OPCML: variants seen among roughly 807,000 people sequenced by gnomAD.
The protein encoded by OPCML is opioid binding protein/cell adhesion molecule like.
Under a neutral mutation model 37.8 loss-of-function variants are expected in OPCML, and 13 were observed. The ratio of observed to expected loss-of-function variants is 0.34; its 90% CI spans 0.22 to 0.55. OPCML has a LOEUF of 0.55. Among genes scored for constraint, OPCML ranks in the 20% least tolerant of loss-of-function variants. OPCML has a pLI of 0.91. For missense variants in OPCML, 341 were observed against 435.6 expected (o/e 0.78, Z 1.93); for synonymous variants, 176 against 168.8 (o/e 1.04, Z -0.33).
intron 1 of OPCML, among the ~76,000 whole-genome samples, chr11:132,963,327 C>T (rs1946133457): frequency 6.6e-6 from 1 of 152,000 alleles, no homozygotes; most frequent in Admixed American, 6.5e-5. Context: ...CACGGTGGCT[C>T]ACGCCTGTAA....
rs866477169 is a variant in OPCML at position 132,938,023 on chromosome 11, C to G, written c.146+4903G>C. On this transcript the variant is annotated intron_variant, in intron 2 of 7. Coordinates refer to ENST00000524381, the MANE Select transcript of OPCML (RefSeq NM_001012393.5). ...TGGAATCCAAAAGTCCCTCAGGCCT[C>G]CAAGACCGCTAACCAACTGCTGTGC... 3.3e-5 allele frequency among the ~76,000 whole-genome samples: 5 copies of G among 151,986 alleles called. No homozygotes were observed. In the South Asian group the frequency reaches 1.0e-3, roughly 32 times the overall value.
intron 1 of OPCML, among the ~76,000 whole-genome samples, chr11:133,195,322 C>T (rs950232161): frequency 5.9e-5 from 9 of 152,224 alleles, no homozygotes; most frequent in South Asian, 2.1e-4. Flanking sequence ...CAGGTAGCAG[C>T]GGTTCAATAA....
intron 1 of OPCML, among the ~76,000 whole-genome samples, chr11:133,388,613 T>C (rs1945106508): frequency 6.6e-6 from 1 of 152,186 alleles, no homozygotes; most frequent in South Asian, 2.1e-4. Flanking sequence ...ACTGCAACTA[T>C]AGGAACCAGG....
chr11:132,768,934 G>A (rs988060108), intron 2 of OPCML, among the ~76,000 whole-genome samples: 11 of 152,060 alleles, frequency 7.2e-5, no homozygotes, highest in East Asian at 3.9e-4. Flanking sequence ...TGATAAAATC[G>A]TAAAGAGCAG....
chr11:132,662,278 A>G (rs1942007658), intron 2 of OPCML, among the ~76,000 whole-genome samples: 1 of 152,186 alleles, frequency 6.6e-6, no homozygotes, highest in African/African-American at 2.4e-5. Flanking sequence ...CTGGAGAACC[A>G]CTCACTGCCT....
chr11:132,560,341 T>C (rs2096407810), intron 3 of OPCML, among the ~76,000 whole-genome samples: 1 of 152,238 alleles, frequency 6.6e-6, no homozygotes, highest in Non-Finnish European at 1.5e-5. Context: ...CAGTATCTAA[T>C]TACTTATTTT....
At chr11:133,295,700 T>A (rs1942612832) in intron 1 of OPCML, among the ~76,000 whole-genome samples, 1 of 152,234 alleles carries the variant, frequency 6.6e-6, no homozygotes, top group African/African-American at 2.4e-5. Flanking sequence ...TCATTCTAGA[T>A]GTTCCTTGCT....
intron 3 of OPCML, among the ~76,000 whole-genome samples, chr11:132,623,602 A>G (rs889400592): frequency 1.3e-5 from 2 of 152,162 alleles, no homozygotes; most frequent in East Asian, 1.9e-4. Context: ...TGTTTTAACG[A>G]GAAAATCTGG....
chr11:133,444,188 G>C (rs1484400407), intron 1 of OPCML, among the ~76,000 whole-genome samples: 1 of 152,102 alleles, frequency 6.6e-6, no homozygotes, highest in East Asian at 1.9e-4. Flanking sequence ...CTTCCTGCTA[G>C]CTCTAAACAT....
Position 133,140,886 on chromosome 11 carries a change from CGACGACGAAGACGACGACGACGAAGAA to C in OPCML, c.62-197903_62-197877del, listed in dbSNP as rs1949787157. Reference sequence around the variant, plus strand: ...ACGACGACGACGAAGAAGACGACGACGACGACGAAGACGACGACGACGAAGAAGAAGAAGACGACGACGACGAAGAAG... The same window carrying C: ...ACGACGACGACGAAGAAGACGACGACGAAGAAGACGACGACGACGAAGAAG... On this transcript the variant is annotated intron_variant, in intron 1 of 7. Coordinates refer to ENST00000524381, the MANE Select transcript of OPCML (RefSeq NM_001012393.5). 2.0e-4 allele frequency among the ~76,000 whole-genome samples: 2 copies of C among 10,090 alleles called. 1 individual carries two copies. 6.6% of individuals were successfully genotyped at this position (10,090 alleles called of 152,430 possible).
chr11:132,987,851 T>A (rs1427550863), intron 1 of OPCML, among the ~76,000 whole-genome samples: 1 of 152,194 alleles, frequency 6.6e-6, no homozygotes, highest in Non-Finnish European at 1.5e-5. Flanking sequence ...AATGCTCAAA[T>A]TTTCTTCTCA....
intron 3 of OPCML, among the ~76,000 whole-genome samples, chr11:132,651,055 C>T (rs1031798936): frequency 3.3e-5 from 5 of 152,188 alleles, no homozygotes; most frequent in South Asian, 2.1e-4. Context: ...CTGCTGCAAC[C>T]GCTCCTTGGT....
intron 2 of OPCML, among the ~76,000 whole-genome samples, chr11:132,721,347 A>G (rs1944665172): frequency 6.6e-6 from 1 of 152,302 alleles, no homozygotes; most frequent in African/African-American, 2.4e-5. Context: ...GCAGACAAGG[A>G]GGACAAGAAA....
At chr11:133,494,593 C>T (rs7125841) in intron 1 of OPCML, among the ~76,000 whole-genome samples, 44,858 of 139,010 alleles carry the variant, frequency 0.32, 8,914 homozygotes, top group African/African-American at 0.55. Flanking sequence ...AAGCTGGAAA[C>T]CATCATTCTC....
intron 1 of OPCML, among the ~76,000 whole-genome samples, chr11:133,342,364 T>C (rs1303131757): frequency 6.6e-6 from 1 of 152,194 alleles, no homozygotes. Context: ...CACTCATGGT[T>C]ATGCAACGCA....
chr11:132,797,551 C>T (rs146869911), intron 2 of OPCML, among the ~76,000 whole-genome samples: 9 of 152,218 alleles, frequency 5.9e-5, no homozygotes, highest in South Asian at 2.1e-4. Flanking sequence ...TAAACATTTC[C>T]GTTTTCCAGT....
At chr11:132,517,174 A>G (rs2096281856) in intron 4 of OPCML, among the ~76,000 whole-genome samples, 1 of 152,206 alleles carries the variant, frequency 6.6e-6, no homozygotes, top group African/African-American at 2.4e-5. Context: ...TGGCATGTGA[A>G]TTTAATCAGA....
intron 3 of OPCML, among the ~76,000 whole-genome samples, chr11:132,566,848 A>C (rs1287186170): frequency 6.6e-6 from 1 of 152,190 alleles, no homozygotes; most frequent in Non-Finnish European, 1.5e-5. Context: ...TACAGGAGTG[A>C]AACTGGGATA....
chr11:133,492,417 C>G (rs928138509), intron 1 of OPCML, among the ~76,000 whole-genome samples: 3 of 151,970 alleles, frequency 2.0e-5, no homozygotes, highest in African/African-American at 7.3e-5. Flanking sequence ...CTTTTTCTAC[C>G]CTTGATAACA....
Sources: gnomAD v4.1 joint callset for allele counts (sites outside exome capture counted in the v4.1 genomes callset) on GRCh38, gnomAD v4.1.1 for gene constraint, MANE v1.5 for transcripts, NCBI Gene and HGNC (gene_info 2026-07-23, HGNC 2026-07-21) for gene names.